The following CD200R1 variants were observed in gnomAD, a reference collection of about 807,000 sequenced individuals.
CD200R1 encodes CD200 receptor 1, also known as cell surface glycoprotein CD200 receptor 1.
CD200R1 carries 30 observed loss-of-function variants against 38.1 expected under a neutral mutation model. That is an observed-to-expected ratio of 0.79 (90% CI 0.59 to 1.07). CD200R1 has a LOEUF of 1.07. Ranked by LOEUF, CD200R1 falls within the 50% of genes least tolerant of loss-of-function variation. The pLI is 0.00. For missense variants in CD200R1, 372 were observed against 415.4 expected, an observed-to-expected ratio of 0.90 and a Z score of 0.91; for synonymous variants, 128 against 152.1, an observed-to-expected ratio of 0.84 and a Z score of 1.16.
chr3:112,973,112 G>A lies in CD200R1; in HGVS notation c.67+1679C>T, dbSNP rs1008124188. Among the ~76,000 whole-genome samples, 7 of 152,158 alleles carry A rather than the reference G, an allele frequency of 4.6e-5. No individual in the cohort carries two copies. The East Asian group carries it at 1.3e-3, about 29-fold the overall frequency. ...TTTAAACCTTTCAACCTTTAAAATT[G>A]AAAATTACAAATTATGTTTTAATCA... On this transcript the variant is annotated intron_variant, in intron 1 of 7. Transcript: ENST00000308611.
chr3:112,937,036 A>G (rs1326191875), intron 2 of CD200R1, among the ~76,000 whole-genome samples: 1 of 152,190 alleles, frequency 6.6e-6, no homozygotes, highest in Non-Finnish European at 1.5e-5. Flanking sequence ...TAATAAAGAC[A>G]TACCCAAGAC....
intron 1 of CD200R1, among the ~76,000 whole-genome samples, chr3:112,962,352 A>G (rs928698856): frequency 1.3e-5 from 2 of 152,156 alleles, no homozygotes; most frequent in Non-Finnish European, 2.9e-5. Context: ...GCATATTAAC[A>G]TATGCAAAGA....
intron 2 of CD200R1, among the ~76,000 whole-genome samples, chr3:112,940,319 T>G (rs533193381): frequency 6.6e-6 from 1 of 151,928 alleles, no homozygotes; most frequent in East Asian, 1.9e-4. Flanking sequence ...AATAAACACA[T>G]GGGATTATAT....
chr3:112,937,965 G>A (rs113537148), intron 2 of CD200R1, among the ~76,000 whole-genome samples: 241 of 152,130 alleles, frequency 1.6e-3, no homozygotes, highest in Admixed American at 4.3e-3. Context: ...GTGAATGGGC[G>A]TTCATTTATG....
rs1200743760 is a variant in CD200R1 at position 112,921,758 on chromosome 3, A to C, written c.*1919T>G. The stretch of plus-strand genomic sequence containing the variant: ...CCAGCCCCATAGTAGAGATTTTCAT[A>C]CAATTATTTTCTGTACAATATAATT... On this transcript the variant is annotated 3_prime_UTR_variant, in exon 8 of 8. Coordinates refer to ENST00000308611, the MANE Select transcript of CD200R1 (RefSeq NM_138806.4). 1 of 152,076 alleles carries C rather than the reference A, an allele frequency of 6.6e-6. No individual in the cohort carries two copies. The highest frequency in any genetic ancestry group is 1.5e-5 in the Non-Finnish European group (1 of 67,990). The allele number at this position is 152,076 out of a possible 1,614,324, so 9.4% of individuals were successfully genotyped here. A position where few individuals can be genotyped will look rare whatever the true frequency, so the allele number is the denominator to read the frequency against.
chr3:112,942,997 C>G (rs1559950120), intron 2 of CD200R1, among the ~76,000 whole-genome samples: 1 of 151,644 alleles, frequency 6.6e-6, no homozygotes, highest in Admixed American at 6.6e-5. Context: ...ACTGATAGAA[C>G]AGCAAGGAGA....
chr3:112,936,315 A>G (rs1940579710), intron 2 of CD200R1, among the ~76,000 whole-genome samples: 1 of 152,236 alleles, frequency 6.6e-6, no homozygotes, highest in Admixed American at 6.5e-5. Context: ...TTGGGTATAT[A>G]CCCAGTAATC....
chr3:112,933,057 C>T (rs902683002), intron 2 of CD200R1, among the ~76,000 whole-genome samples: 4 of 152,160 alleles, frequency 2.6e-5, no homozygotes, highest in Non-Finnish European at 5.9e-5. Context: ...AGAAACAGCA[C>T]AGCAGGCATG....
chr3:112,960,098 A>T (rs558491914), intron 1 of CD200R1, among the ~76,000 whole-genome samples: 3 of 152,084 alleles, frequency 2.0e-5, no homozygotes, highest in African/African-American at 7.2e-5. Context: ...GCAACTTTGT[A>T]ACTGAGATCT....
At chr3:112,958,965 C>T (rs1932937486) in intron 1 of CD200R1, among the ~76,000 whole-genome samples, 2 of 152,136 alleles carry the variant, frequency 1.3e-5, no homozygotes, top group Non-Finnish European at 2.9e-5. Context: ...CAGACCCATA[C>T]TTCATGGAGG....
intron 2 of CD200R1, among the ~76,000 whole-genome samples, chr3:112,940,332 A>C (rs1239037275): frequency 6.6e-6 from 1 of 151,986 alleles, no homozygotes; most frequent in African/African-American, 2.4e-5. Flanking sequence ...GATTATATAA[A>C]ACTAAAAACC....
intron 1 of CD200R1, among the ~76,000 whole-genome samples, chr3:112,955,005 G>A (rs1211669139): frequency 6.6e-6 from 1 of 152,060 alleles, no homozygotes; most frequent in East Asian, 1.9e-4. Context: ...ACAACCAGCT[G>A]GTGTCCACTG....
chr3:112,974,924 G>T lies in CD200R1; in HGVS notation c.-67C>A. ...TCCACACAGGTACAGAAGGAACTGT[G>T]CGCATGGTGAGACCCTCTCTGGTCA... is the stretch of plus-strand genomic sequence containing the variant. On this transcript the variant is annotated 5_prime_UTR_variant, in exon 1 of 8. Coordinates refer to ENST00000308611, the MANE Select transcript of CD200R1 (RefSeq NM_138806.4). The T allele has an allele frequency of 7.7e-7, 1 of 1,297,262 alleles. No individual in the cohort carries two copies. Among genetic ancestry groups the T allele is most frequent in the Non-Finnish European group, 1.1e-6 (1 of 896,970 alleles). 80.4% of individuals were successfully genotyped at this position (1,297,262 alleles called of 1,614,324 possible). A position where few individuals can be genotyped will look rare whatever the true frequency, so the allele number is the denominator to read the frequency against.
intron 1 of CD200R1, among the ~76,000 whole-genome samples, chr3:112,965,724 G>A (rs1016455902): frequency 3.3e-5 from 5 of 151,922 alleles, no homozygotes; most frequent in Non-Finnish European, 5.9e-5. Context: ...TCGCACCACT[G>A]CACTCGAGCC....
At chr3:112,951,786 C>CAA (rs60188199) in intron 1 of CD200R1, among the ~76,000 whole-genome samples, 3 of 133,676 alleles carry the variant, frequency 2.2e-5, no homozygotes, top group African/African-American at 8.2e-5. Context: ...TACAATAATG[C>CAA]AAAAAAAAAA....
chr3:112,941,145 C>T (rs367753173), intron 2 of CD200R1, among the ~76,000 whole-genome samples: 6 of 151,486 alleles, frequency 4.0e-5, no homozygotes, highest in South Asian at 2.1e-4. Context: ...CTTCTATAGA[C>T]TACAAAGGGT....
intron 1 of CD200R1, among the ~76,000 whole-genome samples, chr3:112,967,031 C>T (rs935838758): frequency 7.2e-5 from 11 of 152,288 alleles, no homozygotes; most frequent in Non-Finnish European, 1.3e-4. Context: ...CAATTAACCA[C>T]TTTCTTCTCC....
chr3:112,925,806 T>C lies in CD200R1; in HGVS notation c.770-613A>G, dbSNP rs1481416499. On this transcript the variant is annotated intron_variant, in intron 5 of 7. Transcript: ENST00000308611. ...AGTTATCTATATTTATATCCATATCTATCTATATAGATCATTCAATAATGT... is the reference window on the plus strand; with the variant it reads ...AGTTATCTATATTTATATCCATATCCATCTATATAGATCATTCAATAATGT... Among the ~76,000 whole-genome samples, 3 of 152,186 alleles carry C rather than the reference T, an allele frequency of 2.0e-5. No individual in the cohort carries two copies. The East Asian group carries it at 5.8e-4, about 29-fold the overall frequency.
chr3:112,946,625 CAAT>C (rs1228053329), intron 2 of CD200R1, among the ~76,000 whole-genome samples: 4 of 152,132 alleles, frequency 2.6e-5, no homozygotes, highest in Non-Finnish European at 5.9e-5. Context: ...ATTAAAACAA[CAAT>C]GAGAACCACT....
Sources: gnomAD v4.1 joint callset for allele counts (sites outside exome capture counted in the v4.1 genomes callset) on GRCh38, gnomAD v4.1.1 for gene constraint, MANE v1.5 for transcripts, NCBI Gene and HGNC (gene_info 2026-07-23, HGNC 2026-07-21) for gene names.